Variants in DACT2 observed in about 807,000 individuals in gnomAD.
DACT2 encodes dapper homolog 2.
In DACT2, 20 loss-of-function variants were observed where a neutral mutation model predicts 22.2. That is an observed-to-expected ratio of 0.90 (90% CI 0.63 to 1.31). The LOEUF is 1.31. DACT2 is among the 50% of genes most tolerant of loss of function. The pLI is 0.00. For synonymous variants in DACT2, 463 were observed against 479.8 expected (o/e 0.96, Z 0.46); for missense variants, 1,048 against 1,061.4 (o/e 0.99, Z 0.18).
chr6:168,307,148 T>C lies in DACT2; in HGVS notation c.*284A>G. Reference sequence around the variant, plus strand: ...GATGACAACATGGAAACAAGGTGCATGCCGGGAAGCAGCATCCTGGGCAGA... The same window carrying C: ...GATGACAACATGGAAACAAGGTGCACGCCGGGAAGCAGCATCCTGGGCAGA... On this transcript the variant is annotated 3_prime_UTR_variant, in exon 4 of 4. Coordinates refer to ENST00000366795, the MANE Select transcript of DACT2 (RefSeq NM_214462.5). This position sits in a 1 kb window ranked among gnomAD's most constrained non-coding sequence, Gnocchi z 5.3. 8.0e-7 allele frequency: 1 copy of C among 1,244,608 alleles called. No homozygotes were observed. The highest frequency in any genetic ancestry group is 1.0e-6 in the Non-Finnish European group (1 of 990,948). 77.1% of individuals were successfully genotyped at this position (1,244,608 alleles called of 1,614,324 possible). A position where few individuals can be genotyped will look rare whatever the true frequency, so the allele number is the denominator to read the frequency against.
chr6:168,307,530 G>C lies in DACT2; in HGVS notation c.2227C>G (p.Pro743Ala). The C allele has an allele frequency of 6.4e-7, 1 of 1,551,576 alleles. No individual in the cohort carries two copies. The highest frequency in any genetic ancestry group is 8.7e-7 in the Non-Finnish European group (1 of 1,146,968). Reference sequence around the variant, plus strand: ...TTAATACGGCACAGCTTGGGCACGGGGGACAGGAGTGGCCCCGAGCTGACC... The same window carrying C: ...TTAATACGGCACAGCTTGGGCACGGCGGACAGGAGTGGCCCCGAGCTGACC... ...APVSSGPLLSPVPKLCRIKAS... is the reference protein window; with the variant it reads ...APVSSGPLLSAVPKLCRIKAS... Residue 743 changes from proline to alanine, a missense_variant, in exon 4 of 4, where the codon CCC becomes GCC. By Grantham distance (27) the Pro-to-Ala change is conservative. Coordinates refer to ENST00000366795, the MANE Select transcript of DACT2 (RefSeq NM_214462.5). The surrounding 1 kb of genome is among the most constrained non-coding windows in gnomAD (Gnocchi z 5.3).
At chr6:168,309,416 TG>T (rs1174560771) in intron 3 of DACT2, among the ~76,000 whole-genome samples, 1 of 151,518 alleles carries the variant, frequency 6.6e-6, no homozygotes, top group Admixed American at 6.6e-5. Flanking sequence ...CAGGGCCGTT[TG>T]CGTGTAGACA....
Position 168,315,950 on chromosome 6 carries a change from A to G in DACT2, c.246+3438T>C, listed in dbSNP as rs374002153. On this transcript the variant is annotated intron_variant, in intron 1 of 3. Coordinates refer to ENST00000366795, the MANE Select transcript of DACT2 (RefSeq NM_214462.5). ...CACTCCTAATGTTTTTCCCTGTAAG[A>G]AAAATGTAAAAGTGTTAAGCCCTGG... Among the ~76,000 whole-genome samples the G allele has an allele frequency of 3.2e-4, 49 of 152,344 alleles. No homozygotes were observed. In the South Asian group the frequency reaches 9.9e-3, roughly 31 times the overall value.
intron 1 of DACT2, among the ~76,000 whole-genome samples, chr6:168,312,109 G>A (rs1006296662): frequency 4.6e-5 from 7 of 152,214 alleles, no homozygotes; most frequent in Admixed American, 2.0e-4. Context: ...GGCTTCGGCA[G>A]AGCTACCAGG....
chr6:168,301,156 G>A (rs961125437), intron 3 of DACT2, among the ~76,000 whole-genome samples: 1 of 152,238 alleles, frequency 6.6e-6, no homozygotes, highest in African/African-American at 2.4e-5. Flanking sequence ...GCCTCCGGAG[G>A]CCGAGCAGCC....
downstream of DACT2, among the ~76,000 whole-genome samples, chr6:168,306,148 C>T (rs1040722065): frequency 6.6e-6 from 1 of 152,236 alleles, no homozygotes; most frequent in African/African-American, 2.4e-5. Context: ...CTACTCCTGT[C>T]CTCCTCTGGT....
rs1003406465 is a variant in DACT2, at chr6:168,294,573, G to A, written c.730+60C>T. The A allele has an allele frequency of 6.3e-5, 29 of 461,600 alleles. No homozygotes were observed. In the African/African-American group the frequency reaches 1.0e-3, roughly 17 times the overall value. 28.6% of individuals were successfully genotyped at this position (461,600 alleles called of 1,614,324 possible). A position where few individuals can be genotyped will look rare whatever the true frequency, so the allele number is the denominator to read the frequency against. On this transcript the variant is annotated intron_variant, in intron 4 of 5. Coordinates refer to the DACT2 transcript ENST00000366796. ...TGTGTGTGTGTGTATGTGTGTGTGTGTGTGTATATATATATATATATATAT... is the reference window on the plus strand; with the variant it reads ...TGTGTGTGTGTGTATGTGTGTGTGTATGTGTATATATATATATATATATAT...
intron 3 of DACT2, among the ~76,000 whole-genome samples, chr6:168,295,112 G>C (rs1376103082): frequency 6.6e-6 from 1 of 152,136 alleles, no homozygotes; most frequent in Non-Finnish European, 1.5e-5. Flanking sequence ...CACTCCAACT[G>C]TTCTCCTGAG....
exon 6 of DACT2, chr6:168,293,773 G>A: frequency 5.9e-6 from 4 of 680,656 alleles, no homozygotes; most frequent in Non-Finnish European, 1.1e-5. Flanking sequence ...AAAGCAGAGT[G>A]ACTTGGCGGG....
In DACT2 at chr6:168,314,013, C is replaced by T. The variant is rs187115585; in HGVS notation, c.247-2729G>A. Among the ~76,000 whole-genome samples, 12 of 152,164 alleles carry T rather than the reference C, an allele frequency of 7.9e-5. No individual in the cohort carries two copies. The East Asian group carries it at 9.7e-4, about 12-fold the overall frequency. On this transcript the variant is annotated intron_variant, in intron 1 of 3. Coordinates refer to ENST00000366795, the MANE Select transcript of DACT2 (RefSeq NM_214462.5). ...CACGCCGCGCTTGTAACCCCGACCG[C>T]GCTTGTAACCCCGACCGCTGTCCCG...
In DACT2 at chr6:168,310,421, T is replaced by G; in HGVS notation, c.405A>C (p.Gly135=). Reference sequence around the variant, plus strand: ...CACAGGACGTGGACAGGGAGCAGGATCCACCGTCGCTCATCTCGTAAAAGC... The same window carrying G: ...CACAGGACGTGGACAGGGAGCAGGAGCCACCGTCGCTCATCTCGTAAAAGC... ...SSGFYEMSDG[G]SCSLSTSCAS... The change falls in exon 3 of 4, where the codon GGA becomes GGC. Residue 135 remains glycine, a synonymous_variant. Transcript: ENST00000366795. 1 of 1,550,890 alleles carries G rather than the reference T, an allele frequency of 6.4e-7. No individual in the cohort carries two copies. The highest frequency in any genetic ancestry group is 8.7e-7 in the Non-Finnish European group (1 of 1,146,706).
At chr6:168,311,507 C>G (rs556371133) in intron 1 of DACT2, among the ~76,000 whole-genome samples, 1 of 151,118 alleles carries the variant, frequency 6.6e-6, no homozygotes, top group Non-Finnish European at 1.5e-5. Context: ...CCCCCACACA[C>G]ATACACACAC....
At chr6:168,311,543 CACACACAT>C (rs1412527009) in intron 1 of DACT2, among the ~76,000 whole-genome samples, 3 of 61,772 alleles carry the variant, frequency 4.9e-5, no homozygotes, top group African/African-American at 9.0e-5. Flanking sequence ...CACCCATCCA[CACACACAT>C]ACACACACTC....
At chr6:168,293,894 T>C in exon 6 of DACT2, 1 of 703,412 alleles carries the variant, frequency 1.4e-6, no homozygotes, top group Non-Finnish European at 2.6e-6. Flanking sequence ...TAGTGCTCTG[T>C]CATTGCTGTC....
At position 168,308,028 on chromosome 6, in the gene DACT2, C is replaced by G. The variant is rs1037650546; in HGVS notation, c.1729G>C (p.Val577Leu). The change falls in exon 4 of 4, where the codon GTG becomes CTG. Residue 577 changes from valine to leucine, a missense_variant. Physicochemically the swap from Val to Leu is conservative, Grantham distance 32. Coordinates refer to ENST00000366795, the MANE Select transcript of DACT2 (RefSeq NM_214462.5). ...YPMPVLVPLAVAPQESHRTSA... is the reference protein window; with the variant it reads ...YPMPVLVPLALAPQESHRTSA... ...GTCCGGTGGCTCTCCTGCGGGGCCA[C>G]TGCCAAGGGGACGAGGACAGGCATG... The G allele has an allele frequency of 6.5e-7, 1 of 1,549,788 alleles. No individual in the cohort carries two copies. The highest frequency in any genetic ancestry group is 1.4e-5 in the African/African-American group (1 of 73,046).
chr6:168,310,373 G>C lies in DACT2; in HGVS notation c.453C>G (p.Ile151Met). The change falls in exon 3 of 4, where the codon ATC becomes ATG. Residue 151 changes from isoleucine to methionine, a missense_variant. Physicochemically the swap from Ile to Met is conservative, Grantham distance 10. Coordinates refer to ENST00000366795, the MANE Select transcript of DACT2 (RefSeq NM_214462.5). ...GCAACAAACTGCCCAGCGAGGGAGA[G>C]ATGTGGTCACTGCAGACGGAGGCAC... The part of the protein sequence containing the change: ...TSCASVCSDH[I>M]SPSLGSLLPV... 6.4e-7 allele frequency: 1 copy of C among 1,551,664 alleles called. No homozygotes were observed. The highest frequency in any genetic ancestry group is 8.7e-7 in the Non-Finnish European group (1 of 1,146,950).
intron 1 of DACT2, among the ~76,000 whole-genome samples, chr6:168,313,912 G>A (rs1394630105): frequency 3.3e-5 from 5 of 152,272 alleles, no homozygotes; most frequent in African/African-American, 1.2e-4. Flanking sequence ...GACACACAGA[G>A]CTCTCAGGCA....
At chr6:168,294,579 A>ATATATATATG (rs1778975881) in intron 4 of DACT2, 1 of 83,156 alleles carries the variant, frequency 1.2e-5, no homozygotes. Context: ...GTGTGTGTGT[A>ATATATATATG]TATATATATA....
intron 3 of DACT2, 53 bp from the exon 4 acceptor site, chr6:168,309,151 CTG>C (rs1779322800): frequency 6.9e-7 from 1 of 1,450,128 alleles, no homozygotes; most frequent in Admixed American, 2.5e-5. Flanking sequence ...ATTTAGTGCA[CTG>C]TTGATTTCAT....
Sources: gnomAD v4.1 joint callset for allele counts (sites outside exome capture counted in the v4.1 genomes callset) on GRCh38, gnomAD v4.1.1 for gene constraint, Gnocchi (gnomAD v3.1) non-coding constraint, MANE v1.5 for transcripts, NCBI Gene and HGNC (gene_info 2026-07-23, HGNC 2026-07-21) for gene names.